Variants in TMEM26 observed in about 807,000 individuals in gnomAD.
The protein encoded by TMEM26 is transmembrane protein 26.
In TMEM26, 38 loss-of-function variants were observed where a neutral mutation model predicts 28.8. That is an observed-to-expected ratio of 1.32 (90% confidence interval 1.02 to 1.73). The LOEUF is 1.73. TMEM26 is among the 40% of genes most tolerant of loss of function. The pLI is 0.00. For synonymous variants in TMEM26, 227 were observed against 182.9 expected, an observed-to-expected ratio of 1.24 and a Z score of -1.95; for missense variants, 518 against 447.1, an observed-to-expected ratio of 1.16 and a Z score of -1.43.
chr10:61,410,433 G>C lies in TMEM26; in HGVS notation c.996C>G (p.Thr332=), dbSNP rs374743556. The C allele has an allele frequency of 1.9e-5, 30 of 1,614,002 alleles. No homozygotes were observed. Among genetic ancestry groups the C allele is most frequent in the Non-Finnish European group, 2.5e-5 (29 of 1,180,034 alleles). The change falls in exon 6 of 6, where the codon ACC becomes ACG. Residue 332 remains threonine, a synonymous_variant. Coordinates refer to ENST00000399298, the MANE Select transcript of TMEM26 (RefSeq NM_178505.8). The stretch of plus-strand genomic sequence containing the variant: ...CCCGCTGAGAGGGCCCACTCTCAGA[G>C]GTCTGTGCCCGGCAACCATGTTCTC... ...LKGEHGCRAQ[T]SESGPSQRDW...
intron 4 of TMEM26, among the ~76,000 whole-genome samples, chr10:61,421,123 A>C (rs989581752): frequency 1.3e-5 from 2 of 152,262 alleles, no homozygotes; most frequent in South Asian, 4.1e-4. Context: ...ATCAGAATTA[A>C]GTTAGTTTTA....
chr10:61,428,901 T>C, intron 4 of TMEM26, 25 bp downstream of exon 4: 1 of 1,603,042 alleles, frequency 6.2e-7, no homozygotes, highest in Non-Finnish European at 8.5e-7. Flanking sequence ...GAAAACAAGG[T>C]GTTTTTGCTG....
chr10:61,450,261 C>T (rs1052340162), intron 1 of TMEM26, among the ~76,000 whole-genome samples: 2 of 151,786 alleles, frequency 1.3e-5, no homozygotes, highest in Admixed American at 1.3e-4. Context: ...ATAATGTTTA[C>T]TTCATCTCTA....
At chr10:61,411,290 C>T (rs1242423844) in intron 5 of TMEM26, among the ~76,000 whole-genome samples, 1 of 152,198 alleles carries the variant, frequency 6.6e-6, no homozygotes, top group East Asian at 1.9e-4. Flanking sequence ...AGAGGGGTCC[C>T]TATTCATTGG....
chr10:61,433,231 G>A (rs1333509143), intron 2 of TMEM26, among the ~76,000 whole-genome samples: 1 of 152,096 alleles, frequency 6.6e-6, no homozygotes, highest in Admixed American at 6.6e-5. Flanking sequence ...CTCCGCTCTT[G>A]TTATTCTATT....
intron 2 of TMEM26, among the ~76,000 whole-genome samples, chr10:61,432,968 A>G (rs1839946811): frequency 6.6e-6 from 1 of 152,206 alleles, no homozygotes; most frequent in East Asian, 1.9e-4. Context: ...ACAAATTTTC[A>G]TTGCAAAGCA....
chr10:61,450,265 A>G (rs1464464730), intron 1 of TMEM26, among the ~76,000 whole-genome samples: 1 of 152,080 alleles, frequency 6.6e-6, no homozygotes, highest in African/African-American at 2.4e-5. Context: ...TGTTTACTTC[A>G]TCTCTATTTA....
chr10:61,425,680 T>G, intron 4 of TMEM26, among the ~76,000 whole-genome samples: 1 of 152,222 alleles, frequency 6.6e-6, no homozygotes, highest in Non-Finnish European at 1.5e-5. Context: ...AATATTTCCA[T>G]GAAAAGATGC....
chr10:61,429,600 CTT>C (rs1023248728), intron 3 of TMEM26, among the ~76,000 whole-genome samples: 10 of 151,844 alleles, frequency 6.6e-5, no homozygotes, highest in African/African-American at 2.2e-4. Flanking sequence ...CAAATCTTCT[CTT>C]TGTTTTTTTG....
rs1839525620 is a variant in TMEM26, at chr10:61,408,686, C to T, written c.*1636G>A. ...CTTCATATAAATATAATTTCTTGAT[C>T]TTAACTTTCATAAAATTATTATGGA... On this transcript the variant is annotated 3_prime_UTR_variant, in exon 6 of 6. Coordinates refer to ENST00000399298, the MANE Select transcript of TMEM26 (RefSeq NM_178505.8). 6.6e-6 allele frequency: 1 copy of T among 152,128 alleles called. No individual in the cohort carries two copies. Among genetic ancestry groups the T allele is most frequent in the Non-Finnish European group, 1.5e-5 (1 of 68,016 alleles). 9.4% of individuals were successfully genotyped at this position (152,128 alleles called of 1,614,324 possible).
At position 61,436,214 on chromosome 10, in the gene TMEM26, T is replaced by C; in HGVS notation, c.226A>G (p.Ile76Val). The change falls in exon 2 of 6, where the codon ATC becomes GTC. Residue 76 changes from isoleucine to valine, a missense_variant. Coordinates refer to ENST00000399298, the MANE Select transcript of TMEM26 (RefSeq NM_178505.8). ...TCAAGAAGCCATAATGATGGAACGA[T>C]GCTAATCAGATATAAAAATATGGCT... ...SPAIFLYLIS[I>V]VPSLWLLELH... 1 of 1,608,736 alleles carries C rather than the reference T, an allele frequency of 6.2e-7. No homozygotes were observed. Among genetic ancestry groups the C allele is most frequent in the Non-Finnish European group, 8.5e-7 (1 of 1,177,608 alleles).
chr10:61,413,519 C>G lies in TMEM26; in HGVS notation c.622G>C (p.Val208Leu), dbSNP rs768578776. ...GTCCATATAACAAGGATGGCATAGA[C>G]TAGTGCAGGACTATTCCTAGAATAC... ...EQNVRNSPAL[V>L]YAILVIWTWS... Residue 208 changes from valine to leucine, a missense_variant, in exon 5 of 6, where the codon GTC becomes CTC. Coordinates refer to ENST00000399298, the MANE Select transcript of TMEM26 (RefSeq NM_178505.8). The G allele has an allele frequency of 1.4e-5, 23 of 1,612,400 alleles. No homozygotes were observed. The highest frequency in any genetic ancestry group is 1.9e-5 in the Non-Finnish European group (22 of 1,179,142).
intron 4 of TMEM26, chr10:61,414,855 G>T: frequency 2.9e-6 from 1 of 342,352 alleles, no homozygotes; most frequent in Non-Finnish European, 4.1e-6. Flanking sequence ...ATTGATGACA[G>T]ACATTCAGAT....
intron 4 of TMEM26, among the ~76,000 whole-genome samples, chr10:61,417,115 T>C (rs907658209): frequency 2.0e-5 from 3 of 152,042 alleles, no homozygotes; most frequent in African/African-American, 7.2e-5. Context: ...TGGAGATTAA[T>C]GGCAAACACT....
chr10:61,410,230 A>T lies in TMEM26; in HGVS notation c.*92T>A, dbSNP rs1839545390. ...TTTTTATGTTGTTCTTTTGAAAATTATTATACGCCAAGGTTGGAGGAGAAA... is the reference window on the plus strand; with the variant it reads ...TTTTTATGTTGTTCTTTTGAAAATTTTTATACGCCAAGGTTGGAGGAGAAA... On this transcript the variant is annotated 3_prime_UTR_variant, in exon 6 of 6. Coordinates refer to ENST00000399298, the MANE Select transcript of TMEM26 (RefSeq NM_178505.8). 2.2e-6 allele frequency: 3 copies of T among 1,348,134 alleles called. No individual in the cohort carries two copies. Among genetic ancestry groups the T allele is most frequent in the South Asian group, 2.9e-5 (2 of 67,860 alleles). 83.5% of individuals were successfully genotyped at this position (1,348,134 alleles called of 1,614,324 possible).
intron 2 of TMEM26, among the ~76,000 whole-genome samples, chr10:61,435,145 G>T (rs1039706998): frequency 6.6e-6 from 1 of 152,126 alleles, no homozygotes; most frequent in Non-Finnish European, 1.5e-5. Context: ...GAAAATAGCT[G>T]TATTAAAAAT....
chr10:61,448,609 CTGTTTTTT>C (rs1228213513), intron 1 of TMEM26, among the ~76,000 whole-genome samples: 2 of 143,528 alleles, frequency 1.4e-5, no homozygotes, highest in Non-Finnish European at 3.0e-5. Flanking sequence ...TGTTTGTTTT[CTGTTTTTT>C]TGTTTTTTTT....
chr10:61,452,378 C>T (rs1394731495), intron 1 of TMEM26, among the ~76,000 whole-genome samples: 2 of 152,226 alleles, frequency 1.3e-5, no homozygotes, highest in Admixed American at 6.5e-5. Flanking sequence ...GGAAGGGAAG[C>T]GGATGAAACC....
At chr10:61,412,826 G>T in intron 5 of TMEM26, 1 of 577,000 alleles carries the variant, frequency 1.7e-6, no homozygotes, top group Non-Finnish European at 2.6e-6. Context: ...GTCCCCTGTT[G>T]AACAATGCAG....
Sources: gnomAD v4.1 joint callset for allele counts (sites outside exome capture counted in the v4.1 genomes callset) on GRCh38, gnomAD v4.1.1 for gene constraint, MANE v1.5 for transcripts, NCBI Gene and HGNC (gene_info 2026-07-23, HGNC 2026-07-21) for gene names.